Variants in ABLIM3 observed in about 807,000 individuals in gnomAD.
ABLIM3 encodes actin-binding LIM protein 3.
Under a neutral mutation model 109.5 loss-of-function variants are expected in ABLIM3, and 61 were observed. That is an observed-to-expected ratio of 0.56 (90% CI 0.45 to 0.69). ABLIM3 has a LOEUF of 0.69. Ranked by LOEUF, ABLIM3 falls within the 30% of genes least tolerant of loss-of-function variation. ABLIM3 has a pLI of 0.00. For missense variants in ABLIM3, 796 were observed against 889.5 expected (o/e 0.89, Z 1.34); for synonymous variants, 300 against 324.8 (o/e 0.92, Z 0.82).
In ABLIM3 at chr5:149,239,773, C is replaced by T. The variant is rs1418146999; in HGVS notation, c.1089C>T (p.Asn363=). Residue 363 remains asparagine, a synonymous_variant, in exon 13 of 24, where the codon AAC becomes AAT. Coordinates refer to ENST00000309868, the MANE Select transcript of ABLIM3 (RefSeq NM_014945.5). ...LSPYSQDIYE[N]LDLRQRRASS... Reference sequence around the variant, plus strand: ...TCCTCTCCCAGGACATCTACGAGAACCTGGACCTCCGGCAGAGACGGGCCT... The same window carrying T: ...TCCTCTCCCAGGACATCTACGAGAATCTGGACCTCCGGCAGAGACGGGCCT... 6.2e-7 allele frequency: 1 copy of T among 1,606,858 alleles called. No homozygotes were observed. Among genetic ancestry groups the T allele is most frequent in the Admixed American group, 1.7e-5 (1 of 59,130 alleles).
At chr5:149,195,433 C>T (rs1230855511) in intron 3 of ABLIM3, among the ~76,000 whole-genome samples, 1 of 152,212 alleles carries the variant, frequency 6.6e-6, no homozygotes, top group Non-Finnish European at 1.5e-5. Flanking sequence ...CATCCCTGTG[C>T]TCCCCACTGT....
At chr5:149,212,272 G>A (rs1759638616) in intron 7 of ABLIM3, among the ~76,000 whole-genome samples, 2 of 152,150 alleles carry the variant, frequency 1.3e-5, no homozygotes, top group Admixed American at 6.5e-5. Context: ...TAAGCATCTC[G>A]AGAGCTGTAA....
rs1761768873 is a variant in ABLIM3, at chr5:149,230,704, A to G, written c.813A>G (p.Leu271=). The G allele has an allele frequency of 1.2e-6, 2 of 1,613,954 alleles. No individual in the cohort carries two copies. Among genetic ancestry groups the G allele is most frequent in the African/African-American group, 2.7e-5 (2 of 74,920 alleles). ...AGGCAGCCCGGGCAGAGAAGAAGTTAAAGGTAAGCAAGCTAGTAGATTCCA... is the reference window on the plus strand; with the variant it reads ...AGGCAGCCCGGGCAGAGAAGAAGTTGAAGGTAAGCAAGCTAGTAGATTCCA... ...CKQAARAEKK[L]KHRRTSETSI... Residue 271 remains leucine, a synonymous_variant, in exon 9 of 24, where the codon TTA becomes TTG. Transcript: ENST00000309868.
At chr5:149,147,155 G>A (rs1353492776) in intron 2 of ABLIM3, among the ~76,000 whole-genome samples, 1 of 151,060 alleles carries the variant, frequency 6.6e-6, no homozygotes, top group African/African-American at 2.4e-5. Context: ...CTTGTAAATG[G>A]GATTATGTTC....
At chr5:149,224,357 C>G (rs923451033) in intron 8 of ABLIM3, among the ~76,000 whole-genome samples, 6 of 152,184 alleles carry the variant, frequency 3.9e-5, no homozygotes, top group African/African-American at 1.4e-4. Flanking sequence ...TCCATGGTAA[C>G]CAGCCTCATG....
At chr5:149,222,490 A>G (rs943111164) in intron 8 of ABLIM3, among the ~76,000 whole-genome samples, 1 of 152,084 alleles carries the variant, frequency 6.6e-6, no homozygotes, top group Non-Finnish European at 1.5e-5. Context: ...TTCTTTAGGC[A>G]GAGGGTCCAT....
chr5:149,246,602 C>T, intron 17 of ABLIM3, 56 bp downstream of exon 17: 1 of 1,547,446 alleles, frequency 6.5e-7, no homozygotes, highest in Non-Finnish European at 8.8e-7. Context: ...CACTGAGGGT[C>T]TTTTCATTTA....
chr5:149,237,666 A>C lies in ABLIM3; in HGVS notation c.1044+63A>C, dbSNP rs1245258179. 5.6e-6 allele frequency: 9 copies of C among 1,596,382 alleles called. No individual in the cohort carries two copies. In the East Asian group the frequency reaches 2.0e-4, roughly 36 times the overall value. On this transcript the variant is annotated intron_variant, in intron 11 of 23. Transcript: ENST00000309868. ...GAAAGGAGATTGCTCTGGGGTCCCC[A>C]GCCCTCTCCATCACAGACAGTTTGG...
At chr5:149,239,647 C>A in intron 12 of ABLIM3, 112 bp from the exon 13 acceptor site, 3 of 1,451,542 alleles carry the variant, frequency 2.1e-6, no homozygotes, top group South Asian at 1.4e-5. Context: ...TGTATTCACA[C>A]CTCAAACCCG....
rs781176765 is a variant in ABLIM3, at chr5:149,251,362, C to T, written c.1792C>T (p.Pro598Ser). ...AYRRNGLHRT[P>S]SADLFHYDSM... The stretch of plus-strand genomic sequence containing the variant: ...CGTGGTTCTGTCTCTTCTGCAGACA[C>T]CCAGCGCAGACCTCTTCCACTACGA... Residue 598 changes from proline (P) to serine (S), a missense_variant, in exon 21 of 24, where the codon CCC becomes TCC. Pro to Ser is a moderately conservative substitution (Grantham distance 74). Transcript: ENST00000309868. 2.0e-5 allele frequency: 33 copies of T among 1,614,044 alleles called. No homozygotes were observed. The highest frequency in any genetic ancestry group is 2.7e-5 in the Non-Finnish European group (32 of 1,180,042).
chr5:149,155,504 C>T (rs377553983), intron 2 of ABLIM3, among the ~76,000 whole-genome samples: 1 of 152,172 alleles, frequency 6.6e-6, no homozygotes, highest in African/African-American at 2.4e-5. Context: ...CAGAGGAAGA[C>T]AGGCCAAATT....
In ABLIM3 at chr5:149,144,587, C is replaced by T. The variant is rs1036292023; in HGVS notation, c.13+2479C>T. 1.5e-4 allele frequency among the ~76,000 whole-genome samples: 23 copies of T among 152,306 alleles called. No homozygotes were observed. The East Asian group carries it at 2.9e-3, about 19-fold the overall frequency. ...TTAGTCCTTATTCTCCACCAGCCAC[C>T]ATGCTAAGCACTCCCCTGATTGAGC... is the stretch of plus-strand genomic sequence containing the variant. On this transcript the variant is annotated intron_variant, in intron 2 of 23. Coordinates refer to ENST00000309868, the MANE Select transcript of ABLIM3 (RefSeq NM_014945.5).
In ABLIM3 at chr5:149,245,573, GAGTGGCATGATCACATTGAAAGT is replaced by G. The variant is rs561997812; in HGVS notation, c.1486+576_1486+598del. 7.5e-5 allele frequency among the ~76,000 whole-genome samples: 11 copies of G among 147,634 alleles called. No individual in the cohort carries two copies. In the East Asian group the frequency reaches 2.2e-3, roughly 30 times the overall value. ...GATTTTGGTTGTTATCCTAAACAGTGAGTGGCATGATCACATTGAAAGTAGTGGCATGATCACATTTGTGCTTT... is the reference window on the plus strand; with the variant it reads ...GATTTTGGTTGTTATCCTAAACAGTGAGTGGCATGATCACATTTGTGCTTT... On this transcript the variant is annotated intron_variant, in intron 16 of 23. Transcript: ENST00000309868.
intron 4 of ABLIM3, among the ~76,000 whole-genome samples, chr5:149,199,835 G>A (rs867759156): frequency 6.6e-6 from 1 of 152,220 alleles, no homozygotes; most frequent in South Asian, 2.1e-4. Context: ...TGTGGAAACT[G>A]AACAAATCCA....
rs560595570 is a variant in ABLIM3 at position 149,180,149 on chromosome 5, A to C, written c.14-3303A>C. On this transcript the variant is annotated intron_variant, in intron 2 of 23. Transcript: ENST00000309868. ...TGCTCTCAAGGGTAGGCAGTTTCTA[A>C]CATAAGAGGTAGTTCAAATATTCAC... Among the ~76,000 whole-genome samples the C allele has an allele frequency of 2.0e-5, 3 of 152,360 alleles. No homozygotes were observed. The East Asian group carries it at 5.8e-4, about 29-fold the overall frequency.
Position 149,245,033 on chromosome 5 carries a change from G to T in ABLIM3, c.1486+18G>T. The T allele has an allele frequency of 6.2e-7, 1 of 1,614,108 alleles. No homozygotes were observed. Among genetic ancestry groups the T allele is most frequent in the Non-Finnish European group, 8.5e-7 (1 of 1,180,000 alleles). ...CCCCAAAGGTAGTACCCCCATAGGA[G>T]CCTGGGTCCAGGGCCCTAACACCTG... On this transcript the variant is annotated intron_variant, in intron 16 of 23. Transcript: ENST00000309868.
At chr5:149,147,325 TA>T (rs1753027362) in intron 2 of ABLIM3, among the ~76,000 whole-genome samples, 1 of 152,200 alleles carries the variant, frequency 6.6e-6, no homozygotes, top group African/African-American at 2.4e-5. Context: ...GAGATAATCA[TA>T]TTTTTTTGTT....
rs1367489604 is a variant in ABLIM3, at chr5:149,233,274, A to G, written c.862A>G (p.Ile288Val). The G allele has an allele frequency of 4.3e-6, 7 of 1,614,020 alleles. No homozygotes were observed. Among genetic ancestry groups the G allele is most frequent in the South Asian group, 1.1e-5 (1 of 91,088 alleles). The change falls in exon 10 of 24, where the codon ATT becomes GTT. Residue 288 changes from isoleucine (I) to valine (V), a missense_variant. By Grantham distance (29) the Ile-to-Val change is conservative (BLOSUM62 3). Coordinates refer to ENST00000309868, the MANE Select transcript of ABLIM3 (RefSeq NM_014945.5). ...CTCCATCTCACCCCCTGGATCCAGC[A>G]TTGGGTCACCCAACCGAGTCATCTG... The part of the protein sequence containing the change: ...ETSISPPGSS[I>V]GSPNRVICAK...
At chr5:149,200,745 G>T (rs1043059919) in intron 5 of ABLIM3, 1 of 320,890 alleles carries the variant, frequency 3.1e-6, no homozygotes, top group South Asian at 5.9e-5. Context: ...CTGATCAAGT[G>T]TTTTTTCACC....
Sources: allele counts gnomAD v4.1 joint callset (sites outside exome capture counted in the v4.1 genomes callset), GRCh38; gene constraint gnomAD v4.1.1; transcripts MANE v1.5; gene names NCBI Gene and HGNC (gene_info 2026-07-23, HGNC 2026-07-21).